The following CERS3 variants were observed in gnomAD, a reference collection of about 807,000 sequenced individuals.
CERS3 encodes LAG1 homolog, ceramide synthase 3.
CERS3 carries 33 observed loss-of-function variants against 50.3 expected under a neutral mutation model. That is an observed-to-expected ratio of 0.66 (90% CI 0.50 to 0.88). CERS3 has a LOEUF of 0.88. Ranked by LOEUF, CERS3 falls within the 40% of genes least tolerant of loss-of-function variation. The probability of loss-of-function intolerance (pLI) is 0.00; values close to 1 mark genes in which losing one functional copy is unlikely to be tolerated. For synonymous variants in CERS3, 176 were observed against 155.2 expected (o/e 1.13, Z -0.99); for missense variants, 470 against 460.3 (o/e 1.02, Z -0.19).
chr15:100,529,958 C>G (rs1196698523), upstream of CERS3, among the ~76,000 whole-genome samples: 2 of 152,212 alleles, frequency 1.3e-5, no homozygotes, highest in Non-Finnish European at 2.9e-5. Context: ...TCCAAAGTTT[C>G]TCAGATTTCA....
At chr15:100,409,835 AC>A (rs1290144370) in intron 11 of CERS3, among the ~76,000 whole-genome samples, 1 of 152,184 alleles carries the variant, frequency 6.6e-6, no homozygotes, top group Non-Finnish European at 1.5e-5. Flanking sequence ...AAGAAAACAC[AC>A]GCTTCAAGAA....
upstream of CERS3, among the ~76,000 whole-genome samples, chr15:100,533,130 C>G (rs1055893556): frequency 1.3e-5 from 2 of 152,174 alleles, no homozygotes; most frequent in African/African-American, 4.8e-5. Context: ...AGGAGAAGAC[C>G]CTCTGCTGTC....
chr15:100,539,949 G>T (rs1335819856), intron 1 of CERS3, among the ~76,000 whole-genome samples: 1 of 152,122 alleles, frequency 6.6e-6, no homozygotes, highest in African/African-American at 2.4e-5. Flanking sequence ...CCTCCTGCTT[G>T]CTATTACCAA....
rs1188642252 is a variant in CERS3, at chr15:100,402,618, G to C, written c.*95C>G. 6 of 1,244,014 alleles carry C rather than the reference G, an allele frequency of 4.8e-6. No individual in the cohort carries two copies. In the South Asian group the frequency reaches 8.7e-5, roughly 18 times the overall value. 77.1% of individuals were successfully genotyped at this position (1,244,014 alleles called of 1,614,324 possible). A position where few individuals can be genotyped will look rare whatever the true frequency, so the allele number is the denominator to read the frequency against. The stretch of plus-strand genomic sequence containing the variant: ...AGGGAAGGCGGTGGTGAGAAAGAGG[G>C]AAGGGCAGAATGTGGGGTCGGTGTG... On this transcript the variant is annotated 3_prime_UTR_variant, in exon 12 of 12. Transcript: ENST00000679737.
chr15:100,483,841 C>T (rs2654635), intron 5 of CERS3, among the ~76,000 whole-genome samples: 29,704 of 132,022 alleles, frequency 0.22, 3,580 homozygotes, highest in East Asian at 0.36. Flanking sequence ...AGTGCAGTGG[C>T]GGGATCTCGG....
chr15:100,441,219 G>A (rs895100371), intron 11 of CERS3, among the ~76,000 whole-genome samples: 4 of 149,098 alleles, frequency 2.7e-5, no homozygotes, highest in Admixed American at 6.7e-5. Flanking sequence ...CCTTATTTCT[G>A]CACCCCAACC....
intron 11 of CERS3, among the ~76,000 whole-genome samples, chr15:100,405,613 T>G (rs1014833436): frequency 2.6e-5 from 4 of 152,330 alleles, no homozygotes; most frequent in African/African-American, 9.6e-5. Context: ...GTACAACACA[T>G]GAATATCATT....
intron 11 of CERS3, among the ~76,000 whole-genome samples, chr15:100,454,702 C>G (rs148503243): frequency 6.6e-6 from 1 of 152,132 alleles, no homozygotes; most frequent in East Asian, 1.9e-4. Flanking sequence ...CAACAAAAAC[C>G]AAAATAGACA....
intron 3 of CERS3, 76 bp downstream of exon 3, chr15:100,501,601 C>G (rs2035999451): frequency 7.8e-7 from 1 of 1,283,298 alleles, no homozygotes; most frequent in African/African-American, 1.5e-5. Context: ...AAGGATCTCA[C>G]TAAGCCTAAG....
rs1468390456 is a variant in CERS3, at chr15:100,401,946, A to G, written c.*767T>C. 1 of 152,274 alleles carries G rather than the reference A, an allele frequency of 6.6e-6. No individual in the cohort carries two copies. Among genetic ancestry groups the G allele is most frequent in the Non-Finnish European group, 1.5e-5 (1 of 68,054 alleles). The allele number at this position is 152,274 out of a possible 1,614,324, so 9.4% of individuals were successfully genotyped here. A position where few individuals can be genotyped will look rare whatever the true frequency, so the allele number is the denominator to read the frequency against. On this transcript the variant is annotated 3_prime_UTR_variant, in exon 12 of 12. Transcript: ENST00000679737. Reference sequence around the variant, plus strand: ...TTGGGGAGCTAATGCATAAATAGTTAGCAAATAAAATGGAACACCTTTCTT... The same window carrying G: ...TTGGGGAGCTAATGCATAAATAGTTGGCAAATAAAATGGAACACCTTTCTT...
intron 7 of CERS3, 25 bp downstream of exon 7, chr15:100,479,403 G>A (rs777297541): frequency 3.9e-6 from 6 of 1,555,802 alleles, no homozygotes; most frequent in Non-Finnish European, 5.3e-6. Context: ...CAAGTAAGGG[G>A]AGGAATATGT....
At chr15:100,413,213 G>A (rs1567592430) in intron 11 of CERS3, among the ~76,000 whole-genome samples, 1 of 152,086 alleles carries the variant, frequency 6.6e-6, no homozygotes, top group Non-Finnish European at 1.5e-5. Flanking sequence ...TACATTCACA[G>A]CTTGAAAGTC....
chr15:100,537,072 C>G (rs961661773), intron 1 of CERS3, among the ~76,000 whole-genome samples: 1 of 152,330 alleles, frequency 6.6e-6, no homozygotes, highest in East Asian at 1.9e-4. Context: ...TATCCCATAT[C>G]CTACCCTGCC....
chr15:100,508,552 A>C (rs530607685), intron 2 of CERS3, among the ~76,000 whole-genome samples: 1 of 152,314 alleles, frequency 6.6e-6, no homozygotes, highest in Non-Finnish European at 1.5e-5. Flanking sequence ...CTGCTGTGAA[A>C]AATTCTTGAG....
At chr15:100,427,392 G>A (rs575674823) in intron 11 of CERS3, among the ~76,000 whole-genome samples, 1 of 152,188 alleles carries the variant, frequency 6.6e-6, no homozygotes, top group Non-Finnish European at 1.5e-5. Flanking sequence ...CATATTAAGT[G>A]GAAATGAATA....
At chr15:100,404,238 A>G (rs979239816) in intron 11 of CERS3, among the ~76,000 whole-genome samples, 2 of 152,234 alleles carry the variant, frequency 1.3e-5, no homozygotes, top group Non-Finnish European at 2.9e-5. Context: ...GAACTGTGAG[A>G]GAATACATTT....
chr15:100,543,399 A>T (rs1046133214), intron 1 of CERS3, among the ~76,000 whole-genome samples: 1 of 152,150 alleles, frequency 6.6e-6, no homozygotes, highest in East Asian at 1.9e-4. Flanking sequence ...ATTTAAAAAC[A>T]TTTTCTAATG....
chr15:100,543,489 TCCTTCCTTCCTTC>T (rs372420436), intron 1 of CERS3, among the ~76,000 whole-genome samples: 2,152 of 151,300 alleles, frequency 0.014, 57 homozygotes, highest in African/African-American at 0.049. Flanking sequence ...AAGGCTTCCT[TCCTTCCTTCCTTC>T]CCTCCCTTCC....
In CERS3 at chr15:100,540,405, G is replaced by A. The variant is rs148121026; in HGVS notation, c.-355+4246C>T. ...TGAAAACACAAAAAATTAGCCGGGCGTGGTGACAGGCGCCCGTAATCCCAG... is the reference window on the plus strand; with the variant it reads ...TGAAAACACAAAAAATTAGCCGGGCATGGTGACAGGCGCCCGTAATCCCAG... On this transcript the variant is annotated intron_variant, in intron 1 of 12. Transcript: ENST00000284382. 6.5e-4 allele frequency among the ~76,000 whole-genome samples: 99 copies of A among 152,278 alleles called. No homozygotes were observed. The East Asian group carries it at 0.016, about 25-fold the overall frequency.
Sources: gnomAD v4.1 joint callset for allele counts (sites outside exome capture counted in the v4.1 genomes callset) on GRCh38, gnomAD v4.1.1 for gene constraint, MANE v1.5 for transcripts, NCBI Gene and HGNC (gene_info 2026-07-23, HGNC 2026-07-21) for gene names.